PTAR1: variants seen among roughly 807,000 people sequenced by gnomAD.
PTAR1 encodes the protein protein prenyltransferase alpha subunit repeat containing 1.
Under a neutral mutation model 45.5 loss-of-function variants are expected in PTAR1, and 17 were observed. The observed-to-expected ratio is 0.37, with a 90% CI of 0.26 to 0.56. The LOEUF is 0.56. Ranked by LOEUF, PTAR1 falls within the 20% of genes least tolerant of loss-of-function variation. The pLI is 0.77. For synonymous variants in PTAR1, 169 were observed against 171.3 expected, an observed-to-expected ratio of 0.99 and a Z score of 0.11; for missense variants, 391 against 476.3, an observed-to-expected ratio of 0.82 and a Z score of 1.67.
chr9:69,741,813 A>C lies in PTAR1; in HGVS notation c.302T>G (p.Phe101Cys). The change falls in exon 3 of 8, where the codon TTT becomes TGT. Residue 101 changes from phenylalanine to cysteine, a missense_variant. By Grantham distance (205) the Phe-to-Cys change is radical. This residue lies in a region of PTAR1 where 152 missense variants were observed against 160.0 expected (regional missense o/e 0.95). Transcript: ENST00000340434. ...TCTLLLLNPD[F>C]TTAWNVRKEL... is the part of the protein sequence containing the mutation. ...ATACCTCACGTTCCATGCAGTGGTA[A>C]AGTCTGGGTTTAGAAGCAGCAGGGT... The C allele has an allele frequency of 6.2e-7, 1 of 1,601,276 alleles. No individual in the cohort carries two copies. The highest frequency in any genetic ancestry group is 1.1e-5 in the South Asian group (1 of 88,604).
Position 69,717,620 on chromosome 9 carries a change from C to A in PTAR1, c.*722G>T, listed in dbSNP as rs950736923. 6.6e-6 allele frequency: 1 copy of A among 152,130 alleles called. No individual in the cohort carries two copies. The highest frequency in any genetic ancestry group is 1.5e-5 in the Non-Finnish European group (1 of 68,026). 9.4% of individuals were successfully genotyped at this position (152,130 alleles called of 1,614,324 possible). A position where few individuals can be genotyped will look rare whatever the true frequency, so the allele number is the denominator to read the frequency against. ...GAACTAGTTTACATTTTTAAACATT[C>A]GCCCATCTAGCCATTTGATTCTCAA... On this transcript the variant is annotated 3_prime_UTR_variant, in exon 8 of 8. Transcript: ENST00000340434.
intron 6 of PTAR1, among the ~76,000 whole-genome samples, chr9:69,719,896 C>T (rs977950684): frequency 2.0e-5 from 3 of 152,132 alleles, no homozygotes; most frequent in African/African-American, 7.2e-5. Context: ...GTCACAAACA[C>T]ACCCATATAA....
intron 1 of PTAR1, among the ~76,000 whole-genome samples, chr9:69,754,532 C>T (rs939199325): frequency 2.9e-4 from 22 of 76,252 alleles, no homozygotes; most frequent in African/African-American, 5.8e-4. Flanking sequence ...GGGTATATAT[C>T]TTTTTTTTTT....
rs866761293 is a variant in PTAR1 at position 69,759,902 on chromosome 9, G to A, written c.37C>T (p.Gln13Ter). The stretch of plus-strand genomic sequence containing the variant: ...TTAGTGATGTCCTTCACAACCCGCT[G>A]CACCAGCACCGCCACCTCCTCGCTG... ...ETSEEVAVLV[Q>*]RVVKDITNAF... is the part of the protein sequence containing the mutation. Residue 13 changes from glutamine (Q) to a stop codon, truncating the protein, a stop_gained, in exon 1 of 8, where the codon CAG becomes TAG. Transcript: ENST00000340434. LOFTEE classifies it high-confidence loss of function. The A allele has an allele frequency of 6.5e-7, 1 of 1,527,590 alleles. No individual in the cohort carries two copies. Among genetic ancestry groups the A allele is most frequent in the Non-Finnish European group, 8.8e-7 (1 of 1,138,040 alleles). 94.6% of individuals were successfully genotyped at this position (1,527,590 alleles called of 1,614,324 possible).
chr9:69,727,915 A>G (rs998393557), intron 5 of PTAR1, among the ~76,000 whole-genome samples: 41 of 152,054 alleles, frequency 2.7e-4, no homozygotes, highest in Non-Finnish European at 4.1e-4. Context: ...CTCTTATCTA[A>G]TTTCTAATGT....
chr9:69,719,376 G>A (rs143280407), intron 6 of PTAR1, among the ~76,000 whole-genome samples: 7 of 152,200 alleles, frequency 4.6e-5, no homozygotes, highest in Admixed American at 4.6e-4. Context: ...GAAGATTCCC[G>A]CGTCTAATCT....
chr9:69,733,552 G>A lies in PTAR1; in HGVS notation c.428+598C>T, dbSNP rs535861620. On this transcript the variant is annotated intron_variant, in intron 4 of 7. Transcript: ENST00000340434. ...GTTCCAGGTGGCCAGGATTTTGAGA[G>A]TCCTAAAGTGCATTCTGGCTATCTG... Among the ~76,000 whole-genome samples, 13 of 152,228 alleles carry A rather than the reference G, an allele frequency of 8.5e-5. 1 individual carries two copies. Among genetic ancestry groups the A allele is most frequent in the Admixed American group, 7.2e-4 (11 of 15,286 alleles).
intron 6 of PTAR1, among the ~76,000 whole-genome samples, chr9:69,722,498 CAA>C (rs2047756118): frequency 6.6e-6 from 1 of 152,092 alleles, no homozygotes; most frequent in Non-Finnish European, 1.5e-5. Flanking sequence ...ACACTTTAAA[CAA>C]AAAGTGTCAA....
Position 69,712,763 on chromosome 9 carries a change from A to G in PTAR1, c.*5579T>C, listed in dbSNP as rs1824573793. 1 of 152,102 alleles carries G rather than the reference A, an allele frequency of 6.6e-6. No homozygotes were observed. Among genetic ancestry groups the G allele is most frequent in the Admixed American group, 6.6e-5 (1 of 15,236 alleles). The allele number at this position is 152,102 out of a possible 1,614,324, so 9.4% of individuals were successfully genotyped here. A position where few individuals can be genotyped will look rare whatever the true frequency, so the allele number is the denominator to read the frequency against. On this transcript the variant is annotated 3_prime_UTR_variant, in exon 8 of 8. Transcript: ENST00000340434. Reference sequence around the variant, plus strand: ...ATTTCTAAAAGTTGAGAATGATGTCAACTAAAACAAAATACAATCATCCCC... The same window carrying G: ...ATTTCTAAAAGTTGAGAATGATGTCGACTAAAACAAAATACAATCATCCCC...
chr9:69,750,665 T>G, intron 2 of PTAR1, 116 bp downstream of exon 2: 1 of 703,542 alleles, frequency 1.4e-6, no homozygotes. Flanking sequence ...ACCGAGACAG[T>G]GAACAGAAGA....
At chr9:69,744,547 A>G (rs1217197100) in intron 2 of PTAR1, among the ~76,000 whole-genome samples, 4 of 151,898 alleles carry the variant, frequency 2.6e-5, no homozygotes, top group African/African-American at 9.7e-5. Context: ...TACCATGCCC[A>G]GATAATTTTT....
At chr9:69,755,853 C>G (rs568004086) in intron 1 of PTAR1, among the ~76,000 whole-genome samples, 4 of 152,276 alleles carry the variant, frequency 2.6e-5, no homozygotes, top group African/African-American at 9.6e-5. Flanking sequence ...TTAGAAAAAG[C>G]TACACAAATT....
intron 5 of PTAR1, among the ~76,000 whole-genome samples, chr9:69,727,147 A>T (rs989757224): frequency 1.8e-4 from 27 of 152,202 alleles, no homozygotes; most frequent in African/African-American, 6.5e-4. Flanking sequence ...TAACTTATCT[A>T]TCACCTCACA....
chr9:69,746,958 C>A (rs544329091), intron 2 of PTAR1, among the ~76,000 whole-genome samples: 1 of 152,188 alleles, frequency 6.6e-6, no homozygotes, highest in East Asian at 1.9e-4. Context: ...TCTTTTCCTC[C>A]AAAATACATT....
chr9:69,740,236 C>T (rs1369766892), intron 3 of PTAR1, among the ~76,000 whole-genome samples: 1 of 151,460 alleles, frequency 6.6e-6, no homozygotes, highest in Non-Finnish European at 1.5e-5. Context: ...GGTATATACA[C>T]TATGCTAGTG....
At chr9:69,753,994 G>A (rs533162342) in intron 1 of PTAR1, among the ~76,000 whole-genome samples, 1 of 152,304 alleles carries the variant, frequency 6.6e-6, no homozygotes, top group Non-Finnish European at 1.5e-5. Flanking sequence ...GAAAGCCGAG[G>A]CAAAGAATTT....
At chr9:69,732,053 C>A (rs1342673090) in intron 5 of PTAR1, 86 bp downstream of exon 5, 5 of 943,698 alleles carry the variant, frequency 5.3e-6, no homozygotes, top group Non-Finnish European at 8.1e-6. Flanking sequence ...TTCTCTACTC[C>A]TTCAAAGCTC....
chr9:69,732,046 T>C, intron 5 of PTAR1, 93 bp downstream of exon 5: 2 of 846,524 alleles, frequency 2.4e-6, no homozygotes, highest in East Asian at 2.6e-5. Flanking sequence ...CATCAGTTTC[T>C]CTACTCCTTC....
Position 69,710,543 on chromosome 9 carries a change from C to A in PTAR1, c.*7799G>T, listed in dbSNP as rs918171805. 6.6e-6 allele frequency: 1 copy of A among 152,102 alleles called. No individual in the cohort carries two copies. The highest frequency in any genetic ancestry group is 2.4e-5 in the African/African-American group (1 of 41,422). 9.4% of individuals were successfully genotyped at this position (152,102 alleles called of 1,614,324 possible). On this transcript the variant is annotated 3_prime_UTR_variant, in exon 8 of 8. Transcript: ENST00000340434. Reference sequence around the variant, plus strand: ...GGGTACTAACTTGAACTCCCAGAAACCCATAAGCACACTCTGCATATAAAT... The same window carrying A: ...GGGTACTAACTTGAACTCCCAGAAAACCATAAGCACACTCTGCATATAAAT...
Sources: allele counts gnomAD v4.1 joint callset (sites outside exome capture counted in the v4.1 genomes callset), GRCh38; gene constraint gnomAD v4.1.1; regional missense constraint gnomAD v4.1.1; transcripts MANE v1.5; gene names NCBI Gene and HGNC (gene_info 2026-07-23, HGNC 2026-07-21).